Variants in CEPT1 observed in about 807,000 individuals in gnomAD.
CEPT1 encodes choline/ethanolamine phosphotransferase 1.
A neutral mutation model predicts 42.6 loss-of-function variants in CEPT1; 7 were observed. The ratio of observed to expected loss-of-function variants is 0.16; its 90% confidence interval spans 0.09 to 0.31. The LOEUF is 0.31. CEPT1 is among the 10% of genes least tolerant of loss of function. The pLI is 1.00. For missense variants in CEPT1, 306 were observed against 502.1 expected (o/e 0.61, Z 3.73); for synonymous variants, 171 against 171.9 (o/e 0.99, Z 0.04).
In CEPT1 at chr1:111,183,471, A is replaced by G. The variant is rs757785358; in HGVS notation, c.1015A>G (p.Met339Val). Residue 339 changes from methionine to valine, a missense_variant, in exon 8 of 9, where the codon ATG becomes GTG. By Grantham distance (21) the Met-to-Val change is conservative (BLOSUM62 1). This residue lies in a region of CEPT1 where 253 missense variants were observed against 447.3 expected (regional missense o/e 0.57). Coordinates refer to ENST00000357172, the MANE Select transcript of CEPT1 (RefSeq NM_006090.5). ...TCTGTTTTATTCATAGGTTGCACAC[A>G]TGACGAAAAGTGAAATGCATTTGCA... ...KITNKLVVAH[M>V]TKSEMHLHDT... 4 of 1,613,654 alleles carry G rather than the reference A, an allele frequency of 2.5e-6. No homozygotes were observed. The highest frequency in any genetic ancestry group is 4.5e-5 in the East Asian group (2 of 44,866).
intron 2 of CEPT1, among the ~76,000 whole-genome samples, chr1:111,150,264 C>T (rs1232053862): frequency 6.6e-6 from 1 of 152,160 alleles, no homozygotes; most frequent in Non-Finnish European, 1.5e-5. Flanking sequence ...AAGTCACCCT[C>T]TTTAAATCTT....
At chr1:111,145,422 C>G (rs1365189626) in intron 1 of CEPT1, among the ~76,000 whole-genome samples, 2 of 152,166 alleles carry the variant, frequency 1.3e-5, no homozygotes, top group African/African-American at 4.8e-5. Flanking sequence ...TGACTATTTT[C>G]TAAACCAAAT....
intron 1 of CEPT1, among the ~76,000 whole-genome samples, chr1:111,142,139 C>T (rs757555175): frequency 6.6e-6 from 1 of 152,110 alleles, no homozygotes; most frequent in Non-Finnish European, 1.5e-5. Flanking sequence ...CCATTATCCT[C>T]AGCTGATATA....
intron 2 of CEPT1, among the ~76,000 whole-genome samples, chr1:111,156,671 G>T (rs1655590646): frequency 6.6e-6 from 1 of 152,196 alleles, no homozygotes; most frequent in African/African-American, 2.4e-5. Flanking sequence ...ACGTGCCACA[G>T]CTTGGACGAA....
At chr1:111,183,048 G>A (rs768867524) in intron 7 of CEPT1, 91 bp downstream of exon 7, 2 of 1,305,836 alleles carry the variant, frequency 1.5e-6, no homozygotes, top group Non-Finnish European at 2.1e-6. Flanking sequence ...CTTCATAAAT[G>A]GTCCTAGAGT....
In CEPT1 at chr1:111,150,700, TC is replaced by T. The variant is rs3838428; in HGVS notation, c.339+2648del. 3.6e-4 allele frequency among the ~76,000 whole-genome samples: 55 copies of T among 152,320 alleles called. No homozygotes were observed. In the East Asian group the frequency reaches 0.01, roughly 28 times the overall value. ...CCAATCTTTCTGGTAGAAAGGAAGG[TC>T]ATTATTATAATAGTTTAAGCTCAGT... On this transcript the variant is annotated intron_variant, in intron 2 of 8. Transcript: ENST00000357172.
Position 111,147,762 on chromosome 1 carries a change from G to A in CEPT1, c.48G>A (p.Pro16=), listed in dbSNP as rs775896574. ...GGAAAAGATGTGGAGATTCTCACCC[G>A]GAGTCCCCAGTGGGCTTCGGGCATA... ...STRKRCGDSH[P]ESPVGFGHMS... is the part of the protein sequence containing the mutation. Residue 16 remains proline, a synonymous_variant, in exon 2 of 9, where the codon CCG becomes CCA. Coordinates refer to ENST00000357172, the MANE Select transcript of CEPT1 (RefSeq NM_006090.5). 26 of 1,613,644 alleles carry A rather than the reference G, an allele frequency of 1.6e-5. No individual in the cohort carries two copies. The highest frequency in any genetic ancestry group is 1.6e-4 in the Middle Eastern group (1 of 6,084).
intron 4 of CEPT1, among the ~76,000 whole-genome samples, chr1:111,171,520 C>CA (rs1377509688): frequency 6.6e-6 from 1 of 152,202 alleles, no homozygotes; most frequent in Non-Finnish European, 1.5e-5. Context: ...ATTTTGACCT[C>CA]AGACTGTCAA....
chr1:111,170,318 C>T (rs918451176), intron 4 of CEPT1, among the ~76,000 whole-genome samples: 1 of 152,134 alleles, frequency 6.6e-6, no homozygotes, highest in Non-Finnish European at 1.5e-5. Context: ...CAGAGTTATT[C>T]AATGGGCTTT....
chr1:111,161,954 G>A (rs929276814), intron 4 of CEPT1, among the ~76,000 whole-genome samples: 1 of 152,232 alleles, frequency 6.6e-6, no homozygotes, highest in African/African-American at 2.4e-5. Flanking sequence ...TGATATCACA[G>A]CTTTCTGTCT....
rs569667422 is a variant in CEPT1, at chr1:111,156,052, T to G, written c.340-3328T>G. ...TGGGCATTTATTTTGCTTTATTCTT[T>G]CCTCTTAGTACTTCTTTTGCTGTAT... On this transcript the variant is annotated intron_variant, in intron 2 of 8. Transcript: ENST00000357172. Among the ~76,000 whole-genome samples, 4 of 152,356 alleles carry G rather than the reference T, an allele frequency of 2.6e-5. No homozygotes were observed. The South Asian group carries it at 8.3e-4, about 32-fold the overall frequency.
chr1:111,179,772 G>C (rs1191170844), intron 5 of CEPT1: 1 of 152,156 alleles, frequency 6.6e-6, no homozygotes, highest in Non-Finnish European at 1.5e-5. Context: ...GTTCTACATA[G>C]AAAGGAAGAG....
intron 3 of CEPT1, chr1:111,160,377 T>G (rs757562293): frequency 2.9e-4 from 44 of 152,230 alleles, no homozygotes; most frequent in Non-Finnish European, 5.1e-4. Flanking sequence ...ACATGGCACT[T>G]AAAATATTTA....
chr1:111,166,151 T>C (rs1656135522), intron 4 of CEPT1, among the ~76,000 whole-genome samples: 1 of 152,220 alleles, frequency 6.6e-6, no homozygotes. Flanking sequence ...TCGTTTAATT[T>C]TATCAGTTGC....
At chr1:111,156,951 A>G (rs1655607047) in intron 2 of CEPT1, among the ~76,000 whole-genome samples, 1 of 152,172 alleles carries the variant, frequency 6.6e-6, no homozygotes, top group Admixed American at 6.5e-5. Context: ...TGTTTATGTC[A>G]GTTCTTTCCC....
At chr1:111,153,489 T>C (rs1294296641) in intron 2 of CEPT1, among the ~76,000 whole-genome samples, 1 of 152,202 alleles carries the variant, frequency 6.6e-6, no homozygotes, top group African/African-American at 2.4e-5. Flanking sequence ...CTGCTGTCTC[T>C]ACTTTAGTTT....
intron 1 of CEPT1, among the ~76,000 whole-genome samples, chr1:111,144,394 A>T (rs1256829724): frequency 1.3e-5 from 2 of 152,260 alleles, no homozygotes; most frequent in African/African-American, 2.4e-5. Flanking sequence ...TCACAGAGAC[A>T]TTGTTGCTGC....
chr1:111,172,378 A>G (rs1465734750), intron 4 of CEPT1, among the ~76,000 whole-genome samples: 1 of 152,194 alleles, frequency 6.6e-6, no homozygotes, highest in Non-Finnish European at 1.5e-5. Context: ...CATTTTTAAA[A>G]TAATAATAAC....
chr1:111,142,801 CACAA>C (rs923423633), intron 1 of CEPT1, among the ~76,000 whole-genome samples: 1 of 152,100 alleles, frequency 6.6e-6, no homozygotes, highest in East Asian at 1.9e-4. Context: ...ACCAAAAAAA[CACAA>C]ACAAACAAAA....
Sources: gnomAD v4.1 joint callset for allele counts (sites outside exome capture counted in the v4.1 genomes callset) on GRCh38, gnomAD v4.1.1 for gene constraint, gnomAD v4.1.1 regional missense constraint, MANE v1.5 for transcripts, NCBI Gene and HGNC (gene_info 2026-07-23, HGNC 2026-07-21) for gene names.